Variants in DNAH8 observed in about 807,000 individuals in gnomAD.
DNAH8 encodes dynein axonemal heavy chain 8, also known as axonemal beta dynein heavy chain 8.
Under a neutral mutation model 562.1 loss-of-function variants are expected in DNAH8, and 382 were observed. The ratio of observed to expected loss-of-function variants is 0.68; its 90% confidence interval spans 0.63 to 0.74. The LOEUF (loss-of-function observed/expected upper bound fraction) is 0.74. Ranked by LOEUF, DNAH8 falls within the 30% of genes least tolerant of loss-of-function variation. DNAH8 has a pLI of 0.00. For missense variants in DNAH8, 5,203 were observed against 5,620.4 expected (o/e 0.93, Z 2.37); for synonymous variants, 1,881 against 1,919.4 (o/e 0.98, Z 0.52).
chr6:38,923,958 C>T (rs1781914821), intron 72 of DNAH8, 33 bp from the exon 73 acceptor site: 1 of 1,611,670 alleles, frequency 6.2e-7, no homozygotes, highest in South Asian at 1.1e-5. Flanking sequence ...AGGTGACTCA[C>T]TTTGGGGAGG....
At chr6:38,857,065 G>A (rs960349575) in intron 41 of DNAH8, among the ~76,000 whole-genome samples, 2 of 152,106 alleles carry the variant, frequency 1.3e-5, no homozygotes, top group African/African-American at 4.8e-5. Context: ...AAAAGTAGAC[G>A]TAGATAAAAA....
chr6:39,023,502 C>G (rs1012184841), intron 91 of DNAH8, among the ~76,000 whole-genome samples: 1 of 151,998 alleles, frequency 6.6e-6, no homozygotes. Context: ...AAAAAACAAT[C>G]AAAACAAAAC....
chr6:38,803,144 A>G, intron 21 of DNAH8, 35 bp from the exon 22 acceptor site: 1 of 1,479,594 alleles, frequency 6.8e-7, no homozygotes, highest in Non-Finnish European at 9.1e-7. Context: ...ACTTTTAAGT[A>G]TCTGGAAAAT....
intron 76 of DNAH8, 52 bp downstream of exon 76, chr6:38,932,045 T>A (rs770610797): frequency 7.6e-7 from 1 of 1,317,380 alleles, no homozygotes; most frequent in South Asian, 2.0e-5. Flanking sequence ...ATGCTTAAAA[T>A]GTATTGAGAA....
intron 11 of DNAH8, among the ~76,000 whole-genome samples, chr6:38,764,945 C>T (rs149923513): frequency 4.3e-4 from 65 of 152,204 alleles, no homozygotes; most frequent in Non-Finnish European, 6.8e-4. Flanking sequence ...AGCAATTCTC[C>T]GGTTTCAGCC....
chr6:38,993,170 C>T (rs946434117), intron 88 of DNAH8, among the ~76,000 whole-genome samples: 1 of 152,142 alleles, frequency 6.6e-6, no homozygotes, highest in African/African-American at 2.4e-5. Context: ...TATCTCCTTT[C>T]TCCCACCGTA....
At chr6:38,863,171 C>T (rs947795556) in intron 44 of DNAH8, among the ~76,000 whole-genome samples, 31 of 152,134 alleles carry the variant, frequency 2.0e-4, no homozygotes, top group Non-Finnish European at 1.0e-4. Context: ...GCACGGCTCA[C>T]GCTTGTAATC....
In DNAH8 at chr6:38,872,580, G is replaced by A. The variant is rs376298750; in HGVS notation, c.7035G>A (p.Gly2345=). ...TACGGCATGGCTTGATGACTCTTGGGCCCAGTGGTTCTGGAAAGACAACCG... is the reference window on the plus strand; with the variant it reads ...TACGGCATGGCTTGATGACTCTTGGACCCAGTGGTTCTGGAAAGACAACCG... The part of the protein sequence containing the change: ...SLVRHGLMTL[G]PSGSGKTTVI... Residue 2345 remains glycine, a synonymous_variant, in exon 50 of 93, where the codon GGG becomes GGA. Transcript: ENST00000327475. 16 of 1,614,052 alleles carry A rather than the reference G, an allele frequency of 9.9e-6. No individual in the cohort carries two copies. Among genetic ancestry groups the A allele is most frequent in the Admixed American group, 5.0e-5 (3 of 60,020 alleles).
rs191961740 is a variant in DNAH8 at position 38,840,157 on chromosome 6, C to A, written c.4466+2115C>A. On this transcript the variant is annotated intron_variant, in intron 33 of 92. Transcript: ENST00000327475. ...TAAATATGGATTTCATATTTTAAATCATCTCCAATGGATCTGTGGCTTATC... is the reference window on the plus strand; with the variant it reads ...TAAATATGGATTTCATATTTTAAATAATCTCCAATGGATCTGTGGCTTATC... Among the ~76,000 whole-genome samples the A allele has an allele frequency of 8.3e-4, 126 of 152,274 alleles. 1 individual carries two copies. The highest frequency in any genetic ancestry group is 2.1e-4 in the Non-Finnish European group (14 of 68,014).
rs547860841 is a variant in DNAH8 at position 38,870,333 on chromosome 6, C to A, written c.6829-68C>A. 3 of 1,439,832 alleles carry A rather than the reference C, an allele frequency of 2.1e-6. No homozygotes were observed. In the African/African-American group the frequency reaches 4.2e-5, roughly 20 times the overall value. The allele number at this position is 1,439,832 out of a possible 1,614,324, so 89.2% of individuals were successfully genotyped here. ...GGGATGAAGTGATAAGTACTATGCACATCCCAGCTAGCTGATAAATGTTTG... is the reference window on the plus strand; with the variant it reads ...GGGATGAAGTGATAAGTACTATGCAAATCCCAGCTAGCTGATAAATGTTTG... On this transcript the variant is annotated intron_variant, in intron 48 of 92. Coordinates refer to ENST00000327475, the MANE Select transcript of DNAH8 (RefSeq NM_001206927.2).
chr6:38,822,929 C>A lies in DNAH8; in HGVS notation c.3615C>A (p.Leu1205=). Residue 1205 remains leucine (L), a synonymous_variant, in exon 27 of 93, where the codon CTC becomes CTA. Transcript: ENST00000327475. The part of the protein sequence containing the change: ...EHKDISKLVL[L]LSSSVNSLRK... ...AGGATATTTCTAAGTTGGTCCTGCT[C>A]CTTTCTTCCTCTGTAAATTCCCTAA... 6.2e-7 allele frequency: 1 copy of A among 1,613,694 alleles called. No individual in the cohort carries two copies. Among genetic ancestry groups the A allele is most frequent in the South Asian group, 1.1e-5 (1 of 90,998 alleles).
intron 29 of DNAH8, among the ~76,000 whole-genome samples, chr6:38,826,850 C>A (rs981270116): frequency 6.6e-6 from 1 of 152,262 alleles, no homozygotes; most frequent in Non-Finnish European, 1.5e-5. Flanking sequence ...GAACTTACAT[C>A]AATGAAAAAT....
chr6:38,881,035 C>T (rs553545056), intron 53 of DNAH8, among the ~76,000 whole-genome samples: 2 of 152,086 alleles, frequency 1.3e-5, no homozygotes, highest in South Asian at 4.2e-4. Context: ...TCAAAAAAAA[C>T]AAAAACAAAA....
chr6:38,863,310 G>A (rs1043048734), intron 44 of DNAH8, among the ~76,000 whole-genome samples: 2 of 136,996 alleles, frequency 1.5e-5, no homozygotes, highest in Non-Finnish European at 3.2e-5. Flanking sequence ...CGTGCCTGTA[G>A]TCCCAGCTAC....
chr6:38,945,699 C>A, intron 80 of DNAH8, 111 bp downstream of exon 80: 1 of 1,435,012 alleles, frequency 7.0e-7, no homozygotes, highest in Non-Finnish European at 9.5e-7. Context: ...AAAGTCAACC[C>A]AATAGTTTGG....
chr6:38,911,362 T>C (rs1554133597), intron 65 of DNAH8, 106 bp from the exon 66 acceptor site: 5 of 843,960 alleles, frequency 5.9e-6, no homozygotes, highest in Non-Finnish European at 1.0e-5. Flanking sequence ...GTCTTCCTGC[T>C]AGTGAATCAC....
intron 1 of DNAH8, among the ~76,000 whole-genome samples, chr6:38,718,432 C>T (rs1014122974): frequency 3.3e-5 from 5 of 152,024 alleles, no homozygotes; most frequent in Admixed American, 6.6e-5. Context: ...AGTTTGTTAC[C>T]TGCCAAGCAA....
At chr6:38,828,569 T>C (rs1294068323) in intron 30 of DNAH8, among the ~76,000 whole-genome samples, 1 of 152,172 alleles carries the variant, frequency 6.6e-6, no homozygotes, top group Admixed American at 6.5e-5. Flanking sequence ...CTAGCAGCAA[T>C]AGGCCATACC....
intron 22 of DNAH8, among the ~76,000 whole-genome samples, chr6:38,804,973 T>C (rs1298297667): frequency 6.6e-6 from 1 of 152,020 alleles, no homozygotes; most frequent in African/African-American, 2.4e-5. Flanking sequence ...GGGCCAGGGA[T>C]GCTGTTAAAC....
Sources: allele counts gnomAD v4.1 joint callset (sites outside exome capture counted in the v4.1 genomes callset), GRCh38; gene constraint gnomAD v4.1.1; transcripts MANE v1.5; gene names NCBI Gene and HGNC (gene_info 2026-07-23, HGNC 2026-07-21).